The following DOCK3 variants were observed in gnomAD, a reference collection of about 807,000 sequenced individuals.
The protein encoded by DOCK3 is dedicator of cytokinesis 3, also known as dedicator of cytokinesis protein 3.
DOCK3 carries 60 observed loss-of-function variants against 265.6 expected under a neutral mutation model. The observed-to-expected ratio is 0.23, with a 90% CI of 0.18 to 0.28. The LOEUF (loss-of-function observed/expected upper bound fraction) is 0.28, where lower values mean the gene tolerates loss of function less well. Among genes scored for constraint, DOCK3 ranks in the 10% least tolerant of loss-of-function variants. The probability of loss-of-function intolerance (pLI) is 1.00; values close to 1 mark genes in which losing one functional copy is unlikely to be tolerated. For missense variants in DOCK3, 1,981 were observed against 2,594.3 expected (o/e 0.76, Z 5.14); for synonymous variants, 881 against 938.0 (o/e 0.94, Z 1.11).
chr3:50,907,023 C>G (rs1460599638), intron 4 of DOCK3, among the ~76,000 whole-genome samples: 1 of 152,038 alleles, frequency 6.6e-6, no homozygotes, highest in Admixed American at 6.5e-5. Flanking sequence ...ACCCAGTAGT[C>G]ATTCAGGAGC....
intron 5 of DOCK3, among the ~76,000 whole-genome samples, chr3:51,036,877 G>A (rs1434741632): frequency 1.3e-5 from 2 of 152,022 alleles, no homozygotes; most frequent in Non-Finnish European, 2.9e-5. Context: ...TTTTAAAAAC[G>A]GGAGTTTCCC....
Position 51,090,226 on chromosome 3 carries a change from TTAGG to T in DOCK3, c.592_595del (p.Val198IlefsTer23). 1 of 1,564,598 alleles carries T rather than the reference TTAGG, an allele frequency of 6.4e-7. No individual in the cohort carries two copies. Among genetic ancestry groups the T allele is most frequent in the Non-Finnish European group, 8.6e-7 (1 of 1,157,758 alleles). ...AATCACTGGGTTTTTTTCTTCCTCA[TTAGG>T]TAGATACAATGCGCCCACGTCATGG... On this transcript the variant is annotated splice_acceptor_variant and splice_polypyrimidine_tract_variant and coding_sequence_variant and intron_variant, in exon 9 of 53. Transcript: ENST00000266037. LOFTEE classifies it high-confidence loss of function.
intron 12 of DOCK3, among the ~76,000 whole-genome samples, chr3:51,196,953 C>CACAG: frequency 6.6e-6 from 1 of 152,216 alleles, no homozygotes; most frequent in East Asian, 1.9e-4. Flanking sequence ...TGTGTCATTA[C>CACAG]ATTGAAATCT....
intron 32 of DOCK3, among the ~76,000 whole-genome samples, chr3:51,321,405 C>G (rs902026993): frequency 1.3e-5 from 2 of 152,112 alleles, no homozygotes; most frequent in Non-Finnish European, 1.5e-5. Flanking sequence ...ATTCCAAAAA[C>G]CAGAATGCCT....
chr3:51,154,009 T>C (rs2085733295), intron 10 of DOCK3, among the ~76,000 whole-genome samples: 1 of 152,222 alleles, frequency 6.6e-6, no homozygotes, highest in Non-Finnish European at 1.5e-5. Context: ...ACCTTGCTTA[T>C]GGTGTGTGAT....
chr3:50,692,229 T>A (rs1433554030), intron 1 of DOCK3, among the ~76,000 whole-genome samples: 1 of 152,142 alleles, frequency 6.6e-6, no homozygotes, highest in Non-Finnish European at 1.5e-5. Flanking sequence ...AATTTTGTTT[T>A]TGTTTTTGTT....
At chr3:51,106,272 C>T (rs1376515038) in intron 9 of DOCK3, among the ~76,000 whole-genome samples, 7 of 152,196 alleles carry the variant, frequency 4.6e-5, no homozygotes, top group Non-Finnish European at 1.0e-4. Context: ...CAGTGCAGCC[C>T]TCAGGTAATT....
chr3:51,236,034 C>A (rs1459897436), intron 19 of DOCK3, among the ~76,000 whole-genome samples: 1 of 152,136 alleles, frequency 6.6e-6, no homozygotes, highest in East Asian at 1.9e-4. Flanking sequence ...ATCAAAATTG[C>A]TATTCTGCAT....
chr3:50,696,482 G>A (rs150638876), intron 1 of DOCK3, among the ~76,000 whole-genome samples: 9 of 152,346 alleles, frequency 5.9e-5, no homozygotes, highest in South Asian at 2.1e-4. Context: ...GCCTGGGGGC[G>A]TGCAAGGCAA....
At chr3:51,142,128 G>C (rs955411005) in intron 9 of DOCK3, among the ~76,000 whole-genome samples, 4 of 151,956 alleles carry the variant, frequency 2.6e-5, no homozygotes, top group Non-Finnish European at 5.9e-5. Context: ...CCTACTCAGT[G>C]ATTTTCCTTT....
chr3:51,241,585 A>G (rs539219994), intron 21 of DOCK3, among the ~76,000 whole-genome samples: 5 of 152,294 alleles, frequency 3.3e-5, no homozygotes, highest in African/African-American at 1.2e-4. Flanking sequence ...GTCTCTTTAC[A>G]TAATCCCATA....
At chr3:50,765,271 A>G (rs2040804433) in intron 1 of DOCK3, among the ~76,000 whole-genome samples, 3 of 147,558 alleles carry the variant, frequency 2.0e-5, no homozygotes, top group Admixed American at 2.0e-4. Context: ...TTTAGTAGAG[A>G]TAGGGTTTTA....
chr3:50,937,825 G>A (rs1486418384), intron 5 of DOCK3, among the ~76,000 whole-genome samples: 1 of 151,936 alleles, frequency 6.6e-6, no homozygotes, highest in Non-Finnish European at 1.5e-5. Flanking sequence ...AGAAAAATAA[G>A]AAAGGGGAAA....
At chr3:51,126,196 C>G (rs1207508905) in intron 9 of DOCK3, among the ~76,000 whole-genome samples, 2 of 152,132 alleles carry the variant, frequency 1.3e-5, no homozygotes, top group African/African-American at 4.8e-5. Flanking sequence ...ATTTATTTAT[C>G]TGATCATTAT....
At chr3:51,104,850 A>G (rs186936255) in intron 9 of DOCK3, among the ~76,000 whole-genome samples, 200 of 152,278 alleles carry the variant, frequency 1.3e-3, no homozygotes, top group Non-Finnish European at 2.1e-3. Context: ...GTGAAGTGGT[A>G]GAATCACAGC....
intron 1 of DOCK3, among the ~76,000 whole-genome samples, chr3:50,764,338 A>T (rs945606650): frequency 6.6e-6 from 1 of 152,240 alleles, no homozygotes; most frequent in African/African-American, 2.4e-5. Flanking sequence ...AATAGAAAAA[A>T]ACCTAACAAT....
intron 23 of DOCK3, among the ~76,000 whole-genome samples, chr3:51,269,137 C>CTATATA (rs1160046667): frequency 3.5e-5 from 5 of 141,592 alleles, no homozygotes; most frequent in African/African-American, 1.3e-4. Flanking sequence ...CTCTCTCTCT[C>CTATATA]TATATATATA....
At chr3:51,302,467 A>G (rs2082407903) in intron 27 of DOCK3, among the ~76,000 whole-genome samples, 1 of 151,990 alleles carries the variant, frequency 6.6e-6, no homozygotes, top group South Asian at 2.1e-4. Flanking sequence ...TGATTCTGTT[A>G]TGATGCTAGC....
intron 3 of DOCK3, chr3:50,877,592 T>C: frequency 1.9e-6 from 1 of 517,576 alleles, no homozygotes; most frequent in Admixed American, 1.9e-5. Flanking sequence ...ATGGCATCTC[T>C]GAACAAGACA....
Sources: gnomAD v4.1 joint callset for allele counts (sites outside exome capture counted in the v4.1 genomes callset) on GRCh38, gnomAD v4.1.1 for gene constraint, MANE v1.5 for transcripts, NCBI Gene and HGNC (gene_info 2026-07-23, HGNC 2026-07-21) for gene names.